TLE2: variants seen among roughly 807,000 people sequenced by gnomAD.
TLE2 encodes the protein TLE family member 2, transcriptional corepressor.
TLE2 carries 74 observed loss-of-function variants against 97.2 expected under a neutral mutation model. That is an observed-to-expected ratio of 0.76 (90% CI 0.63 to 0.92). The LOEUF (loss-of-function observed/expected upper bound fraction) is 0.92. TLE2 is among the 40% of genes least tolerant of loss of function. TLE2 has a pLI of 0.00. For synonymous variants in TLE2, 499 were observed against 432.1 expected (o/e 1.15, Z -1.92); for missense variants, 1,038 against 1,008.7 (o/e 1.03, Z -0.39).
rs1347274901 is a variant in TLE2 at position 3,028,401 on chromosome 19, G to A, written c.123-19C>T. 1 of 1,589,662 alleles carries A rather than the reference G, an allele frequency of 6.3e-7. No individual in the cohort carries two copies. The highest frequency in any genetic ancestry group is 1.8e-5 in the Admixed American group (1 of 56,528). ...CTTGAGGCTGAGAAGAAGAGAGAGG[G>A]CAAGGGGCTCCCACCCGCCCCATGT... On this transcript the variant is annotated intron_variant, in intron 2 of 19. Transcript: ENST00000262953.
At chr19:3,011,197 C>T (rs763388295) in intron 11 of TLE2, 37 bp from the exon 12 acceptor site, 1 of 1,536,768 alleles carries the variant, frequency 6.5e-7, no homozygotes. Flanking sequence ...CCACCAGGCA[C>T]CTGGTGTCTT....
chr19:3,032,917 C>T (rs1173671308), upstream of TLE2, among the ~76,000 whole-genome samples: 1 of 150,766 alleles, frequency 6.6e-6, no homozygotes, highest in Non-Finnish European at 1.5e-5. The surrounding 1 kb of genome is among the most constrained non-coding windows in gnomAD (Gnocchi z 4.1). Flanking sequence ...AACTGTCCAC[C>T]CCACATCTTC....
In TLE2 at chr19:3,006,598, C is replaced by A. The variant is rs959179793; in HGVS notation, c.1322G>T (p.Gly441Val). 1.9e-6 allele frequency: 3 copies of A among 1,609,422 alleles called. No individual in the cohort carries two copies. The highest frequency in any genetic ancestry group is 1.1e-5 in the South Asian group (1 of 90,348). The change falls in exon 15 of 20, where the codon GGC becomes GTC. Residue 441 changes from glycine to valine, a missense_variant. Physicochemically the swap from Gly to Val is moderately radical, Grantham distance 109. Coordinates refer to ENST00000262953, the MANE Select transcript of TLE2 (RefSeq NM_003260.5). ...PVPFPSDALVGAGIPRHARQL... is the reference protein window; with the variant it reads ...PVPFPSDALVVAGIPRHARQL... ...CCGGGCGTGCCGCGGGATGCCCGCG[C>A]CTACCAGTGCATCCGAGGGGAAGGG...
chr19:3,037,985 G>A (rs965874880), intron 1 of TLE2, among the ~76,000 whole-genome samples: 30 of 151,956 alleles, frequency 2.0e-4, no homozygotes, highest in Non-Finnish European at 2.8e-4. Flanking sequence ...AGTCGAGCAA[G>A]GTGGCACACG....
rs1455752389 is a variant in TLE2 at position 3,009,069 on chromosome 19, T to C, written c.1174-124A>G. 1.3e-5 allele frequency: 9 copies of C among 668,340 alleles called. No individual in the cohort carries two copies. The East Asian group carries it at 2.9e-4, about 22-fold the overall frequency. The allele number at this position is 668,340 out of a possible 1,614,324, so 41.4% of individuals were successfully genotyped here. A position where few individuals can be genotyped will look rare whatever the true frequency, so the allele number is the denominator to read the frequency against. On this transcript the variant is annotated intron_variant, in intron 13 of 19. Transcript: ENST00000262953. Reference sequence around the variant, plus strand: ...CCTCCCCAAGGCAGCAGAGATGCCTTCTCTCTGCCTGTCACACTACAGATG... The same window carrying C: ...CCTCCCCAAGGCAGCAGAGATGCCTCCTCTCTGCCTGTCACACTACAGATG...
intron 5 of TLE2, among the ~76,000 whole-genome samples, chr19:3,024,753 G>T (rs989399516): frequency 2.0e-5 from 3 of 152,156 alleles, no homozygotes; most frequent in Non-Finnish European, 2.9e-5. Context: ...GGCTTGAGGG[G>T]GTCAGCTCTA....
intron 19 of TLE2, among the ~76,000 whole-genome samples, chr19:2,998,237 A>ATG (rs56398458): frequency 0.073 from 8,894 of 121,264 alleles, 414 homozygotes; most frequent in South Asian, 0.17. Context: ...CGCCCGGCCA[A>ATG]TGTGTGTGTG....
intron 18 of TLE2, among the ~76,000 whole-genome samples, chr19:3,002,088 AC>A (rs1337320896): frequency 2.6e-5 from 4 of 151,948 alleles, no homozygotes; most frequent in African/African-American, 9.7e-5. Context: ...GTGAGCTACC[AC>A]ACCCAGCCTT....
In TLE2 at chr19:3,019,641, G is replaced by A; in HGVS notation, c.369+58C>T. 6 of 1,575,174 alleles carry A rather than the reference G, an allele frequency of 3.8e-6. No individual in the cohort carries two copies. The highest frequency in any genetic ancestry group is 1.7e-6 in the Non-Finnish European group (2 of 1,160,264). Reference sequence around the variant, plus strand: ...CAGCTTTAACACCTCCTGGGTGGGTGCCAGGGACCTGGGAGTGGGCGTCTC... The same window carrying A: ...CAGCTTTAACACCTCCTGGGTGGGTACCAGGGACCTGGGAGTGGGCGTCTC... On this transcript the variant is annotated intron_variant, in intron 6 of 19. Transcript: ENST00000262953. This position sits in a 1 kb window ranked among gnomAD's most constrained non-coding sequence, Gnocchi z 5.1.
intron 10 of TLE2, among the ~76,000 whole-genome samples, chr19:3,014,327 A>C (rs1233329222): frequency 6.6e-6 from 1 of 152,178 alleles, no homozygotes; most frequent in Non-Finnish European, 1.5e-5. Flanking sequence ...AAGTGAGGCC[A>C]GGGAAGGGGG....
Position 3,028,767 on chromosome 19 carries a change from T to A in TLE2, c.61A>T (p.Ile21Phe), listed in dbSNP as rs778178365. 1 of 1,612,388 alleles carries A rather than the reference T, an allele frequency of 6.2e-7. No individual in the cohort carries two copies. The highest frequency in any genetic ancestry group is 1.1e-5 in the South Asian group (1 of 91,060). ...TTGATGCGGTCGCAGATCTCCAAGATCGAGAACTTGAAGGGCTGGCCGGAC... is the reference window on the plus strand; with the variant it reads ...TTGATGCGGTCGCAGATCTCCAAGAACGAGAACTTGAAGGGCTGGCCGGAC... Reference protein sequence around the residue: ...LQSGQPFKFSILEICDRIKEE... With the variant: ...LQSGQPFKFSFLEICDRIKEE... Residue 21 changes from isoleucine to phenylalanine, a missense_variant, in exon 2 of 20, where the codon ATC (isoleucine) becomes TTC (phenylalanine). Coordinates refer to ENST00000262953, the MANE Select transcript of TLE2 (RefSeq NM_003260.5).
chr19:3,002,269 T>C, intron 18 of TLE2, 84 bp downstream of exon 18: 1 of 1,469,054 alleles, frequency 6.8e-7, no homozygotes, highest in Non-Finnish European at 9.1e-7. Context: ...CATTATTTGT[T>C]ATTTATCTAA....
chr19:3,043,847 G>A (rs1166068919), intron 1 of TLE2, among the ~76,000 whole-genome samples: 3 of 151,782 alleles, frequency 2.0e-5, no homozygotes, highest in Admixed American at 2.0e-4. Context: ...AGCCAGGCAT[G>A]GTGGCGGGGG....
At chr19:3,046,759 G>T (rs2090144055), upstream of TLE2, among the ~76,000 whole-genome samples, 1 of 152,024 alleles carries the variant, frequency 6.6e-6, no homozygotes, top group Non-Finnish European at 1.5e-5. Context: ...GGTCGGAGAA[G>T]GGGAGAGCCT....
At chr19:3,025,152 C>T (rs1017058664) in intron 4 of TLE2, 70 bp from the exon 5 acceptor site, 54 of 1,449,160 alleles carry the variant, frequency 3.7e-5, no homozygotes, top group Admixed American at 6.4e-5. Flanking sequence ...GACTCCCAGG[C>T]GGACCAGGTG....
Position 2,997,676 on chromosome 19 carries a change from C to T in TLE2, c.*172G>A. The T allele has an allele frequency of 1.7e-6, 1 of 590,352 alleles. No homozygotes were observed. The highest frequency in any genetic ancestry group is 3.1e-6 in the Non-Finnish European group (1 of 325,716). 36.6% of individuals were successfully genotyped at this position (590,352 alleles called of 1,614,324 possible). On this transcript the variant is annotated 3_prime_UTR_variant, in exon 20 of 20. Transcript: ENST00000262953. ...GATACATTTTATTTCCACCGAGGTC[C>T]CCTGCCCATCGGCCCCCACATGCAG...
At chr19:3,026,487 G>C (rs907115692) in intron 4 of TLE2, among the ~76,000 whole-genome samples, 1 of 150,256 alleles carries the variant, frequency 6.7e-6, no homozygotes, top group Non-Finnish European at 1.5e-5. Flanking sequence ...AAATCTTTAG[G>C]TCTATCTCAG....
intron 1 of TLE2, among the ~76,000 whole-genome samples, chr19:3,035,534 G>GA (rs990543755): frequency 1.1e-3 from 158 of 143,876 alleles, no homozygotes; most frequent in East Asian, 1.8e-3. Flanking sequence ...TGGGTTTACG[G>GA]AAAAAAAAAA....
chr19:3,005,705 C>G lies in TLE2; in HGVS notation c.1748+16G>C, dbSNP rs762639964. 5.7e-5 allele frequency: 91 copies of G among 1,610,212 alleles called. No individual in the cohort carries two copies. The highest frequency in any genetic ancestry group is 7.5e-5 in the Non-Finnish European group (88 of 1,177,328). ...GCCGGGGGCTTGCCCAAGGTCCCAGCGCACCTGCCACCCACCTGACCATAG... is the reference window on the plus strand; with the variant it reads ...GCCGGGGGCTTGCCCAAGGTCCCAGGGCACCTGCCACCCACCTGACCATAG... On this transcript the variant is annotated intron_variant, in intron 16 of 19. Transcript: ENST00000262953.
Sources: gnomAD v4.1 joint callset for allele counts (sites outside exome capture counted in the v4.1 genomes callset) on GRCh38, gnomAD v4.1.1 for gene constraint, Gnocchi (gnomAD v3.1) non-coding constraint, MANE v1.5 for transcripts, NCBI Gene and HGNC (gene_info 2026-07-23, HGNC 2026-07-21) for gene names.